The following WDPCP variants were observed in gnomAD, a reference collection of about 807,000 sequenced individuals.
WDPCP encodes WD repeat-containing and planar cell polarity effector protein fritz homolog.
A neutral mutation model predicts 93.1 loss-of-function variants in WDPCP; 71 were observed. That is an observed-to-expected ratio of 0.76 (90% CI 0.63 to 0.93). The LOEUF is 0.93. WDPCP is among the 40% of genes least tolerant of loss of function. WDPCP has a pLI of 0.00. For synonymous variants in WDPCP, 315 were observed against 315.0 expected (o/e 1.00, Z 0.00); for missense variants, 844 against 887.4 (o/e 0.95, Z 0.62).
intron 14 of WDPCP, among the ~76,000 whole-genome samples, chr2:63,224,256 G>T (rs1392925597): frequency 6.6e-6 from 1 of 151,848 alleles, no homozygotes; most frequent in Non-Finnish European, 1.5e-5. Flanking sequence ...CATAAAATGC[G>T]GTGGAACAAC....
At chr2:63,275,361 TTC>T (rs1336872729) in intron 13 of WDPCP, among the ~76,000 whole-genome samples, 14 of 152,174 alleles carry the variant, frequency 9.2e-5, no homozygotes, top group African/African-American at 3.1e-4. Context: ...CTGAAAGTAT[TTC>T]TTCTAAGAAC....
chr2:63,218,675 G>A (rs911421910), intron 14 of WDPCP, among the ~76,000 whole-genome samples: 18 of 152,014 alleles, frequency 1.2e-4, no homozygotes, highest in South Asian at 2.1e-4. Context: ...GACTAAAGGC[G>A]TGCGACACTA....
intron 2 of WDPCP, among the ~76,000 whole-genome samples, chr2:63,710,700 T>C (rs918404110): frequency 1.3e-5 from 2 of 152,178 alleles, no homozygotes; most frequent in Non-Finnish European, 2.9e-5. Flanking sequence ...TGCGATTGTA[T>C]TGTTGGGGCC....
At chr2:63,373,739 A>G (rs1691606914) in intron 12 of WDPCP, among the ~76,000 whole-genome samples, 1 of 151,850 alleles carries the variant, frequency 6.6e-6, no homozygotes, top group Admixed American at 6.6e-5. Flanking sequence ...AATTCTTGCC[A>G]TCTTTGGGGT....
In WDPCP at chr2:63,366,534, CTTCCAGACTT is replaced by C. The variant is rs1324911668; in HGVS notation, c.1748+11842_1748+11851del. On this transcript the variant is annotated intron_variant, in intron 12 of 17. Transcript: ENST00000272321. The stretch of plus-strand genomic sequence containing the variant: ...CATTGTGCCCTTATTATCTATCTAT[CTTCCAGACTT>C]TCGCTTAAATTCTTGTTACATGGAT... Among the ~76,000 whole-genome samples the C allele has an allele frequency of 2.5e-4, 38 of 151,994 alleles. 2 individuals are homozygous for C. The highest frequency in any genetic ancestry group is 2.5e-3 in the Admixed American group (38 of 15,252).
At position 63,319,713 on chromosome 2, in the gene WDPCP, C is replaced by T. The variant is rs1193955315; in HGVS notation, c.1749-6402G>A. ...CAGGATGGTCTCCATCTCCTGACCT[C>T]GTGATCCACCCGCCTCAGCCTCCCA... On this transcript the variant is annotated intron_variant, in intron 12 of 17. Transcript: ENST00000272321. 4.6e-5 allele frequency among the ~76,000 whole-genome samples: 7 copies of T among 152,058 alleles called. No individual in the cohort carries two copies. In the South Asian group the frequency reaches 8.3e-4, roughly 18 times the overall value.
chr2:63,834,763 C>G, the WDPCP span, among the ~76,000 whole-genome samples: 2 of 152,200 alleles, frequency 1.3e-5, no homozygotes, highest in African/African-American at 4.8e-5. Context: ...TAATGGAACA[C>G]CTACCTCCTT....
At chr2:63,266,821 C>G (rs1008526420) in intron 13 of WDPCP, among the ~76,000 whole-genome samples, 1 of 151,832 alleles carries the variant, frequency 6.6e-6, no homozygotes, top group Admixed American at 6.6e-5. Flanking sequence ...ATCAATCAAT[C>G]AATAAAATTA....
intron 14 of WDPCP, among the ~76,000 whole-genome samples, chr2:63,201,477 A>G (rs545382893): frequency 1.3e-5 from 2 of 152,344 alleles, no homozygotes; most frequent in East Asian, 3.8e-4. Context: ...AAGTTTTTAC[A>G]CTGATACTCA....
At chr2:63,368,111 CTTTT>C (rs1405923445) in intron 12 of WDPCP, among the ~76,000 whole-genome samples, 2 of 151,876 alleles carry the variant, frequency 1.3e-5, no homozygotes, top group Admixed American at 1.3e-4. Flanking sequence ...AAGCTGAATA[CTTTT>C]TTAGTTACAC....
chr2:63,781,130 T>C (rs886434708), intron 2 of WDPCP, among the ~76,000 whole-genome samples: 1 of 152,206 alleles, frequency 6.6e-6, no homozygotes, highest in African/African-American at 2.4e-5. Flanking sequence ...CACTCTGTAT[T>C]ATTACTTCAA....
chr2:63,451,845 A>G (rs964953446), intron 6 of WDPCP, among the ~76,000 whole-genome samples: 4 of 152,222 alleles, frequency 2.6e-5, no homozygotes, highest in African/African-American at 9.7e-5. Flanking sequence ...GACAAAAACC[A>G]CATGATTATC....
intron 15 of WDPCP, among the ~76,000 whole-genome samples, chr2:63,170,224 C>T (rs1332040747): frequency 6.6e-6 from 1 of 150,920 alleles, no homozygotes; most frequent in East Asian, 2.0e-4. Flanking sequence ...CCATCCCTCC[C>T]TCCTCCTCTC....
chr2:63,568,947 A>C (rs570576555), intron 1 of WDPCP, among the ~76,000 whole-genome samples: 6 of 152,258 alleles, frequency 3.9e-5, no homozygotes, highest in Middle Eastern at 3.2e-3. Flanking sequence ...GTCTTTGAAC[A>C]AATTTTGCTT....
At chr2:63,622,256 T>G in intron 3 of WDPCP, 3 of 1,611,446 alleles carry the variant, frequency 1.9e-6, no homozygotes, top group Non-Finnish European at 1.7e-6. Context: ...TAGCTGCCAG[T>G]GCCGTCTCCT....
At chr2:63,726,771 A>G (rs532685650) in intron 2 of WDPCP, among the ~76,000 whole-genome samples, 4 of 152,168 alleles carry the variant, frequency 2.6e-5, no homozygotes, top group African/African-American at 9.6e-5. Context: ...CTGGTTAGCT[A>G]TATGTATTCC....
chr2:63,675,976 G>T (rs1009098245), intron 2 of WDPCP, among the ~76,000 whole-genome samples: 1 of 152,082 alleles, frequency 6.6e-6, no homozygotes, highest in Admixed American at 6.6e-5. Context: ...CATAGTTTAC[G>T]ATTACTTTCC....
intron 15 of WDPCP, 123 bp downstream of exon 15, chr2:63,174,547 C>A: frequency 8.5e-6 from 11 of 1,296,448 alleles, no homozygotes; most frequent in Non-Finnish European, 1.1e-5. Context: ...AAGTCTGAGC[C>A]ATGAGAAATG....
rs1316012429 is a variant in WDPCP, at chr2:63,702,481, C to T, written n.309-51643G>A. On this transcript the variant is annotated intron_variant and non_coding_transcript_variant, in intron 2 of 4. Transcript: ENST00000467687. The stretch of plus-strand genomic sequence containing the variant: ...CATCTTTACAGTGCTAATGGTTGCC[C>T]TGACATATTTAAGCCTACATTTTTA... 3.3e-5 allele frequency among the ~76,000 whole-genome samples: 5 copies of T among 151,854 alleles called. No individual in the cohort carries two copies. In the East Asian group the frequency reaches 9.7e-4, roughly 29 times the overall value.
Sources: gnomAD v4.1 joint callset for allele counts (sites outside exome capture counted in the v4.1 genomes callset) on GRCh38, gnomAD v4.1.1 for gene constraint, MANE v1.5 for transcripts, NCBI Gene and HGNC (gene_info 2026-07-23, HGNC 2026-07-21) for gene names.